UBR4: variants seen among roughly 807,000 people sequenced by gnomAD.
UBR4 encodes ubiquitin protein ligase E3 component n-recognin 4, also known as E3 ubiquitin-protein ligase UBR4.
Under a neutral mutation model 575.6 loss-of-function variants are expected in UBR4, and 124 were observed. The observed-to-expected ratio is 0.22, with a 90% CI of 0.19 to 0.25. The LOEUF is 0.25. Among genes scored for constraint, UBR4 ranks in the 10% least tolerant of loss-of-function variants. The probability of loss-of-function intolerance (pLI) is 1.00; values close to 1 mark genes in which losing one functional copy is unlikely to be tolerated. For synonymous variants in UBR4, 2,455 were observed against 2,473.7 expected (o/e 0.99, Z 0.22); for missense variants, 4,818 against 6,478.8 (o/e 0.74, Z 8.80).
At chr1:19,201,935 T>G in intron 1 of UBR4, 120 bp from the exon 2 acceptor site, 3 of 801,666 alleles carry the variant, frequency 3.7e-6, no homozygotes, top group East Asian at 3.1e-5. Flanking sequence ...CATCAACCTA[T>G]TCCCCTTCAA....
chr1:19,095,793 G>A (rs767873755), intron 92 of UBR4, 141 bp from the exon 93 acceptor site: 44 of 677,678 alleles, frequency 6.5e-5, no homozygotes, highest in African/African-American at 1.3e-4. Flanking sequence ...AGGGAGAAGC[G>A]GCTCTTCAGG....
intron 43 of UBR4, 73 bp from the exon 44 acceptor site, chr1:19,155,148 A>T: frequency 6.3e-7 from 1 of 1,580,872 alleles, no homozygotes; most frequent in South Asian, 1.1e-5. Context: ...TATACTGGTT[A>T]TTATTTTCAA....
Position 19,112,853 on chromosome 1 carries a change from C to A in UBR4, c.11472G>T (p.Ser3824=). The change falls in exon 78 of 106, where the codon TCG becomes TCT. Residue 3824 remains serine, a synonymous_variant. Coordinates refer to ENST00000375254, the MANE Select transcript of UBR4 (RefSeq NM_020765.3). ...GGTCATATTCCAACAACTCTTTGCG[C>A]GAAGCAAAGACTTTCTAAGAACAAA... ...LSKIIQKVFA[S]RKELLEYDLQ... 1.3e-6 allele frequency: 2 copies of A among 1,580,540 alleles called. No homozygotes were observed. The highest frequency in any genetic ancestry group is 1.7e-6 in the Non-Finnish European group (2 of 1,159,198).
rs2081535156 is a variant in UBR4 at position 19,124,699 on chromosome 1, A to C, written c.9439-9T>G. On this transcript the variant is annotated splice_polypyrimidine_tract_variant and intron_variant, in intron 64 of 105. Transcript: ENST00000375254. ...ACATCAGCAGCATGACCCTGGGAGA[A>C]GAAAATTTGCATGAGAACCTGTGAC... 1 of 1,604,792 alleles carries C rather than the reference A, an allele frequency of 6.2e-7. No homozygotes were observed. The highest frequency in any genetic ancestry group is 1.3e-5 in the African/African-American group (1 of 74,316).
Position 19,165,653 on chromosome 1 carries a change from C to G in UBR4, c.4211+3G>C, listed in dbSNP as rs756179219. 1 of 1,613,366 alleles carries G rather than the reference C, an allele frequency of 6.2e-7. No homozygotes were observed. Among genetic ancestry groups the G allele is most frequent in the Non-Finnish European group, 8.5e-7 (1 of 1,179,764 alleles). On this transcript the variant is annotated splice_donor_region_variant and intron_variant, in intron 30 of 105. Transcript: ENST00000375254. ...TCACTGAATAAAGCAAAACACGGCT[C>G]ACCTGTCAGAGAAAAACTCCTCCAT...
intron 101 of UBR4, among the ~76,000 whole-genome samples, chr1:19,085,761 C>T (rs1181317547): frequency 6.6e-6 from 1 of 152,146 alleles, no homozygotes; most frequent in East Asian, 1.9e-4. Flanking sequence ...GCCACTAAGC[C>T]ACTTTCGTAT....
intron 3 of UBR4, 61 bp downstream of exon 3, chr1:19,199,590 T>A: frequency 6.7e-7 from 1 of 1,486,584 alleles, no homozygotes; most frequent in South Asian, 1.1e-5. Flanking sequence ...TCTACTCTAT[T>A]CCACTAGTCA....
chr1:19,185,062 T>C (rs766349141), intron 15 of UBR4, 37 bp downstream of exon 15: 1 of 1,612,924 alleles, frequency 6.2e-7, no homozygotes, highest in Non-Finnish European at 8.5e-7. Flanking sequence ...TAGCTCCCCA[T>C]GTCCACTTCC....
intron 28 of UBR4, 54 bp from the exon 29 acceptor site, chr1:19,167,285 C>A: frequency 6.3e-7 from 1 of 1,595,994 alleles, no homozygotes; most frequent in Non-Finnish European, 8.6e-7. Context: ...CAAAAAGCTG[C>A]AAAGCAAGGA....
At chr1:19,178,938 C>A (rs1055189437) in intron 18 of UBR4, 113 bp downstream of exon 18, 10 of 1,361,510 alleles carry the variant, frequency 7.3e-6, no homozygotes, top group Non-Finnish European at 4.1e-6. Flanking sequence ...CCTCCCCACT[C>A]TAAACATTAT....
intron 19 of UBR4, among the ~76,000 whole-genome samples, chr1:19,177,103 C>T (rs1462688511): frequency 1.3e-5 from 2 of 152,152 alleles, no homozygotes; most frequent in African/African-American, 2.4e-5. Flanking sequence ...AAGGAATTTA[C>T]CAATCCATAA....
intron 87 of UBR4, among the ~76,000 whole-genome samples, chr1:19,101,863 C>T (rs1041861205): frequency 6.6e-6 from 1 of 152,236 alleles, no homozygotes; most frequent in African/African-American, 2.4e-5. Context: ...AGTCCACACA[C>T]TTCATCATGG....
chr1:19,124,815 G>A lies in UBR4; in HGVS notation c.9439-125C>T, dbSNP rs2081546836. The A allele has an allele frequency of 3.2e-6, 4 of 1,231,026 alleles. No homozygotes were observed. The South Asian group carries it at 6.1e-5, about 19-fold the overall frequency. The allele number at this position is 1,231,026 out of a possible 1,614,324, so 76.3% of individuals were successfully genotyped here. On this transcript the variant is annotated intron_variant, in intron 64 of 105. Coordinates refer to ENST00000375254, the MANE Select transcript of UBR4 (RefSeq NM_020765.3). ...TGGTAAAGGGTGCCTTTCAGAGCTG[G>A]AATCAAGACTGACTGACAGTTTATT...
At chr1:19,187,594 A>C in intron 11 of UBR4, 54 bp from the exon 12 acceptor site, 1 of 1,574,128 alleles carries the variant, frequency 6.4e-7, no homozygotes. Flanking sequence ...AATAAATTAC[A>C]ACTTCTGAAG....
intron 74 of UBR4, among the ~76,000 whole-genome samples, 197 bp downstream of exon 74, chr1:19,115,199 GCA>G (rs61661086): frequency 0.36 from 45,847 of 126,954 alleles, 7,981 homozygotes; most frequent in East Asian, 0.64. Flanking sequence ...GTGTGCACAT[GCA>G]CACACACACA....
chr1:19,143,255 GAAGGAAGAAAGAAAGAAAGA>G (rs1238556883), intron 55 of UBR4, among the ~76,000 whole-genome samples: 1,327 of 101,814 alleles, frequency 0.013, 6 homozygotes, highest in East Asian at 0.048. Context: ...AGGAAGGAAG[GAAGGAAGAAAGAAAGAAAGA>G]AAGAAAGAAA....
intron 49 of UBR4, chr1:19,149,886 T>C (rs768400866): frequency 6.5e-5 from 67 of 1,036,926 alleles, no homozygotes; most frequent in South Asian, 1.1e-4. Flanking sequence ...CATGTATGGA[T>C]AGGGCATCGG....
intron 64 of UBR4, among the ~76,000 whole-genome samples, chr1:19,125,303 T>G (rs924294770): frequency 1.3e-5 from 2 of 152,222 alleles, no homozygotes; most frequent in Non-Finnish European, 2.9e-5. Flanking sequence ...TCCCAGTTAT[T>G]CATCAGTTCT....
intron 71 of UBR4, 92 bp from the exon 72 acceptor site, chr1:19,118,002 G>A: frequency 1.8e-6 from 2 of 1,129,736 alleles, no homozygotes; most frequent in Non-Finnish European, 2.6e-6. Flanking sequence ...ATGGCTCAAT[G>A]TGAGCCAAAG....
Sources: allele counts gnomAD v4.1 joint callset (sites outside exome capture counted in the v4.1 genomes callset), GRCh38; gene constraint gnomAD v4.1.1; transcripts MANE v1.5; gene names NCBI Gene and HGNC (gene_info 2026-07-23, HGNC 2026-07-21).